ZFPM2: variants seen among roughly 807,000 people sequenced by gnomAD.
ZFPM2 encodes the protein zinc finger protein ZFPM2.
Under a neutral mutation model 98.6 loss-of-function variants are expected in ZFPM2, and 20 were observed. The observed-to-expected ratio is 0.20, with a 90% CI of 0.14 to 0.29. The LOEUF is 0.29. ZFPM2 is among the 10% of genes least tolerant of loss of function. The probability of loss-of-function intolerance (pLI) is 1.00; values close to 1 mark genes in which losing one functional copy is unlikely to be tolerated. For missense variants in ZFPM2, 1,310 were observed against 1,388.6 expected (o/e 0.94, Z 0.90); for synonymous variants, 518 against 502.7 (o/e 1.03, Z -0.41).
chr8:105,667,961 A>G (rs1259656881), intron 5 of ZFPM2, among the ~76,000 whole-genome samples: 1 of 152,222 alleles, frequency 6.6e-6, no homozygotes, highest in Non-Finnish European at 1.5e-5. Context: ...GCTCTTCGGT[A>G]GACTTAAGCC....
intron 3 of ZFPM2, among the ~76,000 whole-genome samples, chr8:105,490,241 C>T (rs1023196166): frequency 1.4e-4 from 21 of 151,214 alleles, no homozygotes; most frequent in Admixed American, 4.6e-4. Context: ...AGGGAGACTC[C>T]GTCTCAAAAA....
chr8:105,399,425 G>A (rs543096323), intron 1 of ZFPM2, among the ~76,000 whole-genome samples: 3 of 152,258 alleles, frequency 2.0e-5, no homozygotes, highest in African/African-American at 7.2e-5. Context: ...TTAAGGACAT[G>A]ATGGATTCGA....
intron 1 of ZFPM2, among the ~76,000 whole-genome samples, chr8:105,408,141 C>T (rs1811499364): frequency 6.6e-6 from 1 of 151,886 alleles, no homozygotes; most frequent in Admixed American, 6.6e-5. Flanking sequence ...ATTGCTTGAG[C>T]AGGGTGGGCA....
intron 3 of ZFPM2, among the ~76,000 whole-genome samples, chr8:105,525,394 G>A (rs1344973186): frequency 6.6e-6 from 1 of 152,160 alleles, no homozygotes; most frequent in Non-Finnish European, 1.5e-5. Flanking sequence ...AGATGATAAA[G>A]GTGAGGGGGC....
intron 5 of ZFPM2, 149 bp from the exon 6 acceptor site, chr8:105,788,569 A>G (rs1813491704): frequency 1.4e-6 from 1 of 721,346 alleles, no homozygotes; most frequent in African/African-American, 1.8e-5. Flanking sequence ...AGGAAGCAAG[A>G]GGAACACAGC....
At chr8:105,499,834 A>T (rs912391058) in intron 3 of ZFPM2, among the ~76,000 whole-genome samples, 1 of 152,172 alleles carries the variant, frequency 6.6e-6, no homozygotes, top group Admixed American at 6.5e-5. Context: ...GGTTGGGGGA[A>T]GTTTGGAGCA....
intron 5 of ZFPM2, among the ~76,000 whole-genome samples, chr8:105,646,608 T>C (rs1041452730): frequency 2.0e-5 from 3 of 152,126 alleles, no homozygotes; most frequent in African/African-American, 4.8e-5. Flanking sequence ...GCAGGACTTA[T>C]CAACTGGAGG....
At chr8:105,402,569 A>G (rs1811361728) in intron 1 of ZFPM2, among the ~76,000 whole-genome samples, 1 of 151,958 alleles carries the variant, frequency 6.6e-6, no homozygotes, top group African/African-American at 2.4e-5. Context: ...CCACTTCCCT[A>G]TTCTCTATTA....
At chr8:105,574,566 G>A (rs1815424864) in intron 4 of ZFPM2, among the ~76,000 whole-genome samples, 1 of 152,126 alleles carries the variant, frequency 6.6e-6, no homozygotes, top group Non-Finnish European at 1.5e-5. Flanking sequence ...CATACAGAAT[G>A]GAGTGAATAA....
At chr8:105,325,486 T>C (rs1180528254) in intron 1 of ZFPM2, among the ~76,000 whole-genome samples, 1 of 151,768 alleles carries the variant, frequency 6.6e-6, no homozygotes, top group South Asian at 2.1e-4. Context: ...TAATCACCAT[T>C]ATCGGCACTA....
At chr8:105,601,597 G>C (rs143398255) in intron 4 of ZFPM2, among the ~76,000 whole-genome samples, 1 of 152,026 alleles carries the variant, frequency 6.6e-6, no homozygotes, top group Non-Finnish European at 1.5e-5. Context: ...CCCAGGTTTG[G>C]ATGTAACCTT....
At chr8:105,726,387 A>T (rs1470979590) in intron 5 of ZFPM2, among the ~76,000 whole-genome samples, 3 of 151,794 alleles carry the variant, frequency 2.0e-5, no homozygotes, top group Non-Finnish European at 4.4e-5. Context: ...GATGTTAATA[A>T]TCCAGATTCA....
At chr8:105,661,977 GA>G (rs892533490) in intron 5 of ZFPM2, among the ~76,000 whole-genome samples, 48 of 145,406 alleles carry the variant, frequency 3.3e-4, no homozygotes, top group Admixed American at 1.2e-3. Context: ...CTCTTTGTAA[GA>G]AAAAAAAAAG....
At chr8:105,510,967 A>T (rs1813806685) in intron 3 of ZFPM2, among the ~76,000 whole-genome samples, 1 of 152,176 alleles carries the variant, frequency 6.6e-6, no homozygotes, top group Admixed American at 6.5e-5. Flanking sequence ...GTGCTTGGGT[A>T]TCTGTGGTCA....
intron 3 of ZFPM2, among the ~76,000 whole-genome samples, chr8:105,547,964 ATTTTAACCATGTGAAGT>A (rs1195582547): frequency 1.3e-5 from 2 of 151,978 alleles, no homozygotes; most frequent in African/African-American, 2.4e-5. Flanking sequence ...AATAAAAATG[ATTTTAACCATGTGAAGT>A]TTTGGTTTTT....
chr8:105,516,191 G>A (rs186211165), intron 3 of ZFPM2, among the ~76,000 whole-genome samples: 91 of 152,216 alleles, frequency 6.0e-4, no homozygotes, highest in Admixed American at 1.4e-3. Context: ...CTTCTAAAGT[G>A]CTGGGATTGC....
intron 4 of ZFPM2, among the ~76,000 whole-genome samples, chr8:105,613,264 T>G: frequency 6.7e-6 from 1 of 149,424 alleles, no homozygotes; most frequent in Non-Finnish European, 1.5e-5. Context: ...GAGAGGAGAG[T>G]GGGGAGGTGG....
At chr8:105,509,398 G>C (rs1297700487) in intron 3 of ZFPM2, among the ~76,000 whole-genome samples, 1 of 152,076 alleles carries the variant, frequency 6.6e-6, no homozygotes, top group Non-Finnish European at 1.5e-5. Flanking sequence ...TGCTCAGATC[G>C]GTAGCTGTTG....
intron 3 of ZFPM2, among the ~76,000 whole-genome samples, chr8:105,533,465 G>T (rs979335824): frequency 3.9e-5 from 6 of 152,026 alleles, no homozygotes; most frequent in Admixed American, 2.0e-4. Context: ...CAATTAAAAT[G>T]CTTCTTATGT....
Sources: allele counts gnomAD v4.1 joint callset (sites outside exome capture counted in the v4.1 genomes callset), GRCh38; gene constraint gnomAD v4.1.1; transcripts MANE v1.5; gene names NCBI Gene and HGNC (gene_info 2026-07-23, HGNC 2026-07-21).